Variants in FBN2 observed in about 807,000 individuals in gnomAD.
FBN2 encodes fibrillin 2.
In FBN2, 105 loss-of-function variants were observed where a neutral mutation model predicts 355.6. The ratio of observed to expected loss-of-function variants is 0.30; its 90% confidence interval spans 0.25 to 0.35. The LOEUF (loss-of-function observed/expected upper bound fraction) is 0.35, where lower values mean the gene tolerates loss of function less well. FBN2 is among the 10% of genes least tolerant of loss of function. The pLI is 1.00. For synonymous variants in FBN2, 1,350 were observed against 1,301.2 expected, an observed-to-expected ratio of 1.04 and a Z score of -0.81; for missense variants, 3,280 against 3,758.7, an observed-to-expected ratio of 0.87 and a Z score of 3.33.
chr5:128,452,652 G>A, intron 6 of FBN2, among the ~76,000 whole-genome samples: 1 of 152,120 alleles, frequency 6.6e-6, no homozygotes, highest in Middle Eastern at 3.2e-3. Context: ...ATATTTCATA[G>A]CGTGTTTTTT....
In FBN2 at chr5:128,289,887, C is replaced by G; in HGVS notation, c.6506G>C (p.Arg2169Pro). 3 of 1,567,008 alleles carry G rather than the reference C, an allele frequency of 1.9e-6. No individual in the cohort carries two copies. The highest frequency in any genetic ancestry group is 2.6e-6 in the Non-Finnish European group (3 of 1,137,436). ...HGTVPSLHDT[R>P]EDVNECLESP... ...TAAAATATATCAAAGCGTACCTTCA[C>G]GTGTATCATGAAGACTAGGGACAGT... Residue 2169 changes from arginine to proline, a missense_variant, in exon 51 of 65, where the codon CGT (arginine) becomes CCT (proline). Arg to Pro is a moderately radical substitution (Grantham distance 103). Coordinates refer to ENST00000262464, the MANE Select transcript of FBN2 (RefSeq NM_001999.4).
intron 33 of FBN2, among the ~76,000 whole-genome samples, chr5:128,330,118 T>C (rs1198804142): frequency 6.6e-6 from 1 of 152,156 alleles, no homozygotes; most frequent in Non-Finnish European, 1.5e-5. Context: ...AGCTGAACAG[T>C]TTTCCCATGC....
chr5:128,429,206 G>A (rs141830090), intron 7 of FBN2, among the ~76,000 whole-genome samples: 24 of 152,112 alleles, frequency 1.6e-4, no homozygotes, highest in South Asian at 4.1e-4. Flanking sequence ...TTTCAAAAAA[G>A]ATCCCCAATA....
intron 20 of FBN2, among the ~76,000 whole-genome samples, chr5:128,353,799 C>T (rs1285593874): frequency 6.6e-6 from 1 of 152,118 alleles, no homozygotes; most frequent in Non-Finnish European, 1.5e-5. Flanking sequence ...CCAAGGTCAC[C>T]CAGCTAGTAC....
chr5:128,443,536 TACAC>T (rs1753977235), intron 7 of FBN2, among the ~76,000 whole-genome samples: 1 of 152,150 alleles, frequency 6.6e-6, no homozygotes, highest in Non-Finnish European at 1.5e-5. Context: ...AACAAAAAAA[TACAC>T]ACAGAAAATA....
At chr5:128,487,989 G>T (rs1162098571) in intron 5 of FBN2, among the ~76,000 whole-genome samples, 1 of 152,058 alleles carries the variant, frequency 6.6e-6, no homozygotes, top group Non-Finnish European at 1.5e-5. Flanking sequence ...CTTAAATTTA[G>T]CCAACACATA....
rs908074764 is a variant in FBN2, at chr5:128,386,237, T to C, written c.1603+5781A>G. On this transcript the variant is annotated intron_variant, in intron 11 of 64. Coordinates refer to ENST00000262464, the MANE Select transcript of FBN2 (RefSeq NM_001999.4). ...AGGGATTCAGTTTGAATCTTCTGCA[T>C]ATGACTAGCCAGCTATTGCAGCATC... 3.3e-5 allele frequency among the ~76,000 whole-genome samples: 5 copies of C among 152,332 alleles called. No individual in the cohort carries two copies. The South Asian group carries it at 8.3e-4, about 25-fold the overall frequency.
chr5:128,453,107 A>G (rs547123015), intron 6 of FBN2, among the ~76,000 whole-genome samples: 1 of 152,226 alleles, frequency 6.6e-6, no homozygotes, highest in Admixed American at 6.5e-5. Context: ...TCCAGAATGA[A>G]TATCTACTCA....
intron 43 of FBN2, 67 bp from the exon 44 acceptor site, chr5:128,305,703 A>C (rs1749850851): frequency 1.2e-6 from 2 of 1,602,546 alleles, no homozygotes; most frequent in South Asian, 1.1e-5. Context: ...CATTCACGTC[A>C]CACTTTGATG....
At chr5:128,499,861 A>G (rs1476204377) in intron 5 of FBN2, among the ~76,000 whole-genome samples, 1 of 152,144 alleles carries the variant, frequency 6.6e-6, no homozygotes, top group Non-Finnish European at 1.5e-5. Flanking sequence ...CTATTTCTAA[A>G]TCAGATGAAG....
chr5:128,277,771 T>C, intron 58 of FBN2, 109 bp downstream of exon 58: 1 of 1,219,548 alleles, frequency 8.2e-7, no homozygotes, highest in Non-Finnish European at 1.2e-6. Context: ...TAATAAAATA[T>C]ATATTCCAAA....
intron 6 of FBN2, among the ~76,000 whole-genome samples, chr5:128,453,799 C>A (rs1310970611): frequency 6.6e-6 from 1 of 152,120 alleles, no homozygotes; most frequent in Non-Finnish European, 1.5e-5. Context: ...CAGTTTGTCA[C>A]CAAACTCCTC....
intron 5 of FBN2, among the ~76,000 whole-genome samples, chr5:128,485,349 T>C (rs1755309997): frequency 6.6e-6 from 1 of 152,142 alleles, no homozygotes; most frequent in Non-Finnish European, 1.5e-5. Context: ...TAAAAAGATA[T>C]TCATAGTAGT....
At chr5:128,365,702 TATTC>T (rs904000562) in intron 17 of FBN2, among the ~76,000 whole-genome samples, 16 of 150,228 alleles carry the variant, frequency 1.1e-4, no homozygotes, top group African/African-American at 3.9e-4. Flanking sequence ...CATATATACA[TATTC>T]ATATATATAG....
intron 5 of FBN2, among the ~76,000 whole-genome samples, chr5:128,473,614 T>C (rs190198416): frequency 2.6e-5 from 4 of 152,256 alleles, no homozygotes; most frequent in African/African-American, 4.8e-5. Context: ...ACACATGGGT[T>C]TTCTACATTC....
At chr5:128,345,272 C>G in intron 24 of FBN2, 85 bp downstream of exon 24, 1 of 1,143,646 alleles carries the variant, frequency 8.7e-7, no homozygotes, top group Non-Finnish European at 1.3e-6. Context: ...GGAAGTCAAA[C>G]ATTTAAAGCA....
intron 11 of FBN2, among the ~76,000 whole-genome samples, chr5:128,383,027 G>T (rs1438372507): frequency 6.6e-6 from 1 of 152,028 alleles, no homozygotes; most frequent in East Asian, 1.9e-4. Flanking sequence ...AGGCAACAAA[G>T]AATATAGATC....
intron 7 of FBN2, among the ~76,000 whole-genome samples, chr5:128,427,480 C>T (rs1581284033): frequency 6.6e-6 from 1 of 152,162 alleles, no homozygotes; most frequent in Non-Finnish European, 1.5e-5. Context: ...GAGGACTGAA[C>T]TCTGACCGCC....
At chr5:128,338,766 T>C (rs2126903330) in intron 26 of FBN2, among the ~76,000 whole-genome samples, 167 bp downstream of exon 26, 2 of 152,356 alleles carry the variant, frequency 1.3e-5, no homozygotes, top group South Asian at 4.1e-4. Flanking sequence ...CCCCGAGAGC[T>C]ATCCAGGAGC....
Sources: allele counts gnomAD v4.1 joint callset (sites outside exome capture counted in the v4.1 genomes callset), GRCh38; gene constraint gnomAD v4.1.1; transcripts MANE v1.5; gene names NCBI Gene and HGNC (gene_info 2026-07-23, HGNC 2026-07-21).